The following NWD2 variants were observed in gnomAD, a reference collection of about 807,000 sequenced individuals.
The protein encoded by NWD2 is NACHT and WD repeat domain containing 2, also known as NACHT and WD repeat domain-containing protein 2.
A neutral mutation model predicts 132.7 loss-of-function variants in NWD2; 37 were observed. The observed-to-expected ratio is 0.28, with a 90% CI of 0.21 to 0.37. The LOEUF (loss-of-function observed/expected upper bound fraction) is 0.37. NWD2 is among the 10% of genes least tolerant of loss of function. The pLI, the probability that NWD2 is intolerant of heterozygous loss-of-function variation, is 1.00. For missense variants in NWD2, 1,592 were observed against 2,122.4 expected, an observed-to-expected ratio of 0.75 and a Z score of 4.91; for synonymous variants, 705 against 803.0, an observed-to-expected ratio of 0.88 and a Z score of 2.06.
intron 3 of NWD2, among the ~76,000 whole-genome samples, chr4:37,390,409 A>ATTT (rs67944628): frequency 3.3e-5 from 5 of 150,004 alleles, no homozygotes; most frequent in African/African-American, 4.9e-5. Flanking sequence ...ATAATCTGAA[A>ATTT]TTTTTTTTTT....
At chr4:37,278,036 TC>T (rs1180947633) in intron 1 of NWD2, among the ~76,000 whole-genome samples, 3 of 152,154 alleles carry the variant, frequency 2.0e-5, no homozygotes, top group Admixed American at 2.0e-4. Context: ...AGGGGTCATC[TC>T]ATATGTCTGT....
chr4:37,330,715 T>G (rs1719278847), intron 2 of NWD2, among the ~76,000 whole-genome samples: 1 of 152,212 alleles, frequency 6.6e-6, no homozygotes, highest in Non-Finnish European at 1.5e-5. Flanking sequence ...GGAACAGAGC[T>G]TGGCATTTAG....
chr4:37,321,636 A>G (rs1218506418), intron 1 of NWD2, among the ~76,000 whole-genome samples: 1 of 152,200 alleles, frequency 6.6e-6, no homozygotes, highest in East Asian at 1.9e-4. Context: ...TTTCCTGTCC[A>G]TGACATTCTA....
intron 2 of NWD2, among the ~76,000 whole-genome samples, chr4:37,335,302 G>GA (rs1308313942): frequency 7.9e-5 from 1 of 12,642 alleles, no homozygotes; most frequent in East Asian, 6.1e-3. Context: ...GGGGTGGGCG[G>GA]GGGGGGGGGG....
At chr4:37,316,835 A>G (rs1718969840) in intron 1 of NWD2, among the ~76,000 whole-genome samples, 3 of 152,096 alleles carry the variant, frequency 2.0e-5, no homozygotes, top group African/African-American at 7.2e-5. Flanking sequence ...AACATTGGAT[A>G]TTTTAGGTAA....
intron 1 of NWD2, among the ~76,000 whole-genome samples, chr4:37,290,497 G>C (rs951489117): frequency 2.6e-5 from 4 of 152,174 alleles, no homozygotes; most frequent in Admixed American, 6.6e-5. Flanking sequence ...TATTTGAGCA[G>C]ATATAACTTA....
chr4:37,351,372 A>G (rs1719758990), intron 2 of NWD2, among the ~76,000 whole-genome samples: 3 of 152,136 alleles, frequency 2.0e-5, no homozygotes, highest in South Asian at 2.1e-4. Flanking sequence ...TTATTGGTCT[A>G]TTGAGGGATT....
Position 37,245,246 on chromosome 4 carries a change from C to G in NWD2, c.151+28C>G, listed in dbSNP as rs1577642125. On this transcript the variant is annotated intron_variant, in intron 1 of 6. Transcript: ENST00000309447. ...ACGTCCCTCGCTCGGGTTTGCCCGT[C>G]CGTCCTTCTGTCCGTCAGCGCTGCG... 9 of 1,514,274 alleles carry G rather than the reference C, an allele frequency of 5.9e-6. No individual in the cohort carries two copies. The East Asian group carries it at 1.5e-4, about 25-fold the overall frequency. 93.8% of individuals were successfully genotyped at this position (1,514,274 alleles called of 1,614,324 possible). A position where few individuals can be genotyped will look rare whatever the true frequency, so the allele number is the denominator to read the frequency against.
At chr4:37,406,842 G>T (rs2109317564) in intron 3 of NWD2, among the ~76,000 whole-genome samples, 1 of 152,276 alleles carries the variant, frequency 6.6e-6, no homozygotes. Flanking sequence ...GTTGCAGTGA[G>T]CCAGGATCAT....
intron 2 of NWD2, among the ~76,000 whole-genome samples, chr4:37,355,436 CAA>C (rs991787765): frequency 1.3e-5 from 2 of 152,134 alleles, no homozygotes; most frequent in African/African-American, 4.8e-5. Context: ...GGGAATCACA[CAA>C]AGTCTCCAGA....
At chr4:37,392,428 C>T (rs1720695833) in intron 3 of NWD2, among the ~76,000 whole-genome samples, 1 of 152,034 alleles carries the variant, frequency 6.6e-6, no homozygotes, top group South Asian at 2.1e-4. Flanking sequence ...TTCTCTGCGG[C>T]GGGGGCTGCT....
intron 1 of NWD2, among the ~76,000 whole-genome samples, chr4:37,288,510 G>A (rs532359192): frequency 6.6e-6 from 1 of 152,304 alleles, no homozygotes; most frequent in South Asian, 2.1e-4. Context: ...CAACAGCCAA[G>A]CTGTCAAATT....
At chr4:37,370,354 C>G (rs1720192938) in intron 3 of NWD2, among the ~76,000 whole-genome samples, 1 of 152,070 alleles carries the variant, frequency 6.6e-6, no homozygotes, top group South Asian at 2.1e-4. Flanking sequence ...TATTTCTGGA[C>G]TAGAATATTT....
chr4:37,267,064 A>C (rs1186988177), intron 1 of NWD2, among the ~76,000 whole-genome samples: 1 of 152,014 alleles, frequency 6.6e-6, no homozygotes, highest in African/African-American at 2.4e-5. Context: ...TATAGCAAAG[A>C]GAATAGCATA....
At chr4:37,306,980 C>T (rs1656224) in intron 1 of NWD2, among the ~76,000 whole-genome samples, 5,099 of 150,498 alleles carry the variant, frequency 0.034, 296 homozygotes, top group African/African-American at 0.12. Flanking sequence ...GCCGAGATTG[C>T]GCCACTGCAC....
intron 1 of NWD2, among the ~76,000 whole-genome samples, chr4:37,279,237 A>G (rs1718082471): frequency 6.6e-6 from 1 of 152,228 alleles, no homozygotes; most frequent in Admixed American, 6.5e-5. Context: ...AAGCCAAAAT[A>G]AACAGATAAT....
At chr4:37,421,970 G>A (rs1014009321) in intron 3 of NWD2, among the ~76,000 whole-genome samples, 3 of 152,194 alleles carry the variant, frequency 2.0e-5, no homozygotes, top group Admixed American at 6.5e-5. Context: ...TCACTAGACA[G>A]AGAGAGCTCT....
intron 1 of NWD2, among the ~76,000 whole-genome samples, chr4:37,253,014 A>T (rs554520313): frequency 1.9e-4 from 26 of 139,320 alleles, no homozygotes; most frequent in Non-Finnish European, 3.6e-4. Flanking sequence ...CCCCCCCCTT[A>T]TGTTTTGCAG....
At chr4:37,255,142 G>A (rs1169408126) in intron 1 of NWD2, among the ~76,000 whole-genome samples, 1 of 152,186 alleles carries the variant, frequency 6.6e-6, no homozygotes, top group Non-Finnish European at 1.5e-5. Context: ...ATGTGCTGCT[G>A]TCTTTATTCT....
Sources: allele counts gnomAD v4.1 joint callset (sites outside exome capture counted in the v4.1 genomes callset), GRCh38; gene constraint gnomAD v4.1.1; transcripts MANE v1.5; gene names NCBI Gene and HGNC (gene_info 2026-07-23, HGNC 2026-07-21).